APBB2: variants seen among roughly 807,000 people sequenced by gnomAD.
The protein encoded by APBB2 is Fe65-like 1.
APBB2 carries 38 observed loss-of-function variants against 82.5 expected under a neutral mutation model. The ratio of observed to expected loss-of-function variants is 0.46; its 90% CI spans 0.36 to 0.60. The LOEUF (loss-of-function observed/expected upper bound fraction) is 0.60. APBB2 is among the 20% of genes least tolerant of loss of function. The pLI, the probability that APBB2 is intolerant of heterozygous loss-of-function variation, is 0.00. For synonymous variants in APBB2, 341 were observed against 368.2 expected (o/e 0.93, Z 0.85); for missense variants, 772 against 972.3 (o/e 0.79, Z 2.74).
chr4:41,118,241 A>C (rs1262541278), intron 2 of APBB2: 1 of 152,000 alleles, frequency 6.6e-6, no homozygotes, highest in African/African-American at 2.4e-5. Flanking sequence ...AAAACAAAAA[A>C]CCCTAAGGAA....
Position 40,978,479 on chromosome 4 carries a change from A to T in APBB2, c.836-33406T>A, listed in dbSNP as rs560736228. On this transcript the variant is annotated intron_variant, in intron 6 of 17. Transcript: ENST00000508593. ...AGAGAAAAACACTGTCTTATCAACAAGATTTTACTCTAGAAAAAAAGAGAA... is the reference window on the plus strand; with the variant it reads ...AGAGAAAAACACTGTCTTATCAACATGATTTTACTCTAGAAAAAAAGAGAA... Among the ~76,000 whole-genome samples the T allele has an allele frequency of 7.9e-5, 12 of 152,324 alleles. No individual in the cohort carries two copies. In the East Asian group the frequency reaches 1.7e-3, roughly 22 times the overall value.
chr4:41,128,326 A>T (rs1754991617), intron 2 of APBB2, among the ~76,000 whole-genome samples: 1 of 152,206 alleles, frequency 6.6e-6, no homozygotes, highest in African/African-American at 2.4e-5. Context: ...TGGGAATGTA[A>T]ATTAGTTCAG....
At chr4:41,159,667 A>G (rs922547278) in intron 1 of APBB2, among the ~76,000 whole-genome samples, 14 of 152,108 alleles carry the variant, frequency 9.2e-5, no homozygotes, top group Non-Finnish European at 1.8e-4. Context: ...TTCCCTTACT[A>G]GGAAATTTTC....
chr4:40,981,819 A>G (rs1413675476), intron 6 of APBB2, among the ~76,000 whole-genome samples: 1 of 152,106 alleles, frequency 6.6e-6, no homozygotes, highest in African/African-American at 2.4e-5. Flanking sequence ...ATGCCATTCA[A>G]CTTGCCAGGC....
intron 2 of APBB2, among the ~76,000 whole-genome samples, chr4:41,122,852 T>A (rs1332778519): frequency 3.3e-5 from 5 of 152,208 alleles, no homozygotes; most frequent in African/African-American, 1.2e-4. Flanking sequence ...TGCCGTGCCA[T>A]GCCCTCCGAA....
At chr4:40,839,885 G>A (rs1016336509) in intron 12 of APBB2, among the ~76,000 whole-genome samples, 15 of 152,234 alleles carry the variant, frequency 9.9e-5, no homozygotes, top group Middle Eastern at 3.4e-3. Context: ...GGGTGGTCTC[G>A]AATTCCTGAC....
At chr4:41,065,448 C>A (rs988484894) in intron 4 of APBB2, 128 bp downstream of exon 4, 1 of 152,190 alleles carries the variant, frequency 6.6e-6, no homozygotes, top group Non-Finnish European at 1.5e-5. Context: ...CTAGAGCAAT[C>A]CATTCTCTTG....
chr4:40,842,526 G>A (rs1756189753), intron 12 of APBB2: 2 of 333,106 alleles, frequency 6.0e-6, no homozygotes, highest in South Asian at 2.2e-5. Flanking sequence ...TAGGCTTTCC[G>A]TGCTTATTTT....
intron 2 of APBB2, among the ~76,000 whole-genome samples, chr4:41,105,775 A>T (rs901995899): frequency 6.6e-5 from 10 of 151,860 alleles, no homozygotes; most frequent in South Asian, 2.1e-4. Context: ...AGTCCCAGCT[A>T]CTCAGGAGGC....
intron 3 of APBB2, among the ~76,000 whole-genome samples, chr4:41,068,454 T>C (rs1218837805): frequency 6.6e-6 from 1 of 152,126 alleles, no homozygotes; most frequent in Non-Finnish European, 1.5e-5. Flanking sequence ...TTCTAGAAAA[T>C]AGTTGGCAAC....
At chr4:40,847,094 G>A (rs1014556488) in intron 12 of APBB2, among the ~76,000 whole-genome samples, 1 of 152,116 alleles carries the variant, frequency 6.6e-6, no homozygotes, top group Non-Finnish European at 1.5e-5. Context: ...AAAGGATAAC[G>A]TTATATAAAT....
At chr4:40,840,361 T>C (rs537267361) in intron 12 of APBB2, among the ~76,000 whole-genome samples, 55 of 152,320 alleles carry the variant, frequency 3.6e-4, no homozygotes, top group African/African-American at 1.3e-3. Context: ...GCTTTTATTT[T>C]CTGACTGCAC....
intron 1 of APBB2, among the ~76,000 whole-genome samples, chr4:41,184,871 A>G (rs1231480128): frequency 1.3e-5 from 2 of 152,240 alleles, no homozygotes; most frequent in African/African-American, 4.8e-5. Context: ...AGACTCCGCC[A>G]AACCTGCATC....
At chr4:40,922,646 T>C (rs1781546871) in intron 10 of APBB2, among the ~76,000 whole-genome samples, 1 of 152,228 alleles carries the variant, frequency 6.6e-6, no homozygotes, top group African/African-American at 2.4e-5. Flanking sequence ...GATCTGGTTC[T>C]GTTGGCCAGG....
intron 1 of APBB2, among the ~76,000 whole-genome samples, chr4:41,187,086 C>T (rs1364840296): frequency 6.6e-6 from 1 of 152,010 alleles, no homozygotes; most frequent in Non-Finnish European, 1.5e-5. Flanking sequence ...AGCAAACAAC[C>T]CCAGCACAGA....
chr4:40,868,995 G>A (rs1764735328), intron 12 of APBB2, among the ~76,000 whole-genome samples: 1 of 151,966 alleles, frequency 6.6e-6, no homozygotes, highest in South Asian at 2.1e-4. Flanking sequence ...TCTTATACAT[G>A]TGTTACCTCG....
At chr4:40,861,422 G>T (rs151157290) in intron 12 of APBB2, among the ~76,000 whole-genome samples, 1 of 152,266 alleles carries the variant, frequency 6.6e-6, no homozygotes, top group East Asian at 1.9e-4. Context: ...ACCTGCCTGG[G>T]AGGCTGAGGC....
chr4:40,893,162 C>T (rs773504469), intron 11 of APBB2, 103 bp downstream of exon 11: 23 of 1,389,938 alleles, frequency 1.7e-5, no homozygotes, highest in Non-Finnish European at 2.1e-5. Context: ...ACCTGATGAA[C>T]ACCTCGGAGC....
intron 16 of APBB2, among the ~76,000 whole-genome samples, chr4:40,822,744 TTAAA>T (rs1405741002): frequency 6.6e-6 from 1 of 152,198 alleles, no homozygotes; most frequent in Non-Finnish European, 1.5e-5. Context: ...TCTTGACTAA[TTAAA>T]TATTCACTCT....
Sources: allele counts gnomAD v4.1 joint callset (sites outside exome capture counted in the v4.1 genomes callset), GRCh38; gene constraint gnomAD v4.1.1; transcripts MANE v1.5; gene names NCBI Gene and HGNC (gene_info 2026-07-23, HGNC 2026-07-21).